DCC: variants seen among roughly 807,000 people sequenced by gnomAD.
DCC encodes DCC netrin 1 receptor, also known as netrin receptor DCC.
A neutral mutation model predicts 172.5 loss-of-function variants in DCC; 58 were observed. That is an observed-to-expected ratio of 0.34 (90% CI 0.27 to 0.42). The LOEUF is 0.42. Among genes scored for constraint, DCC ranks in the 10% least tolerant of loss-of-function variants. The probability of loss-of-function intolerance (pLI) is 1.00; values close to 1 mark genes in which losing one functional copy is unlikely to be tolerated. For missense variants in DCC, 1,740 were observed against 1,791.0 expected, an observed-to-expected ratio of 0.97 and a Z score of 0.51; for synonymous variants, 709 against 644.5, an observed-to-expected ratio of 1.10 and a Z score of -1.52.
chr18:52,651,614 A>G (rs756045130), intron 1 of DCC, among the ~76,000 whole-genome samples: 4 of 151,276 alleles, frequency 2.6e-5, no homozygotes, highest in African/African-American at 7.3e-5. Flanking sequence ...ATCATATTAT[A>G]TAGTATGTTA....
intron 1 of DCC, among the ~76,000 whole-genome samples, chr18:52,552,825 T>A (rs2032812412): frequency 6.7e-6 from 1 of 150,034 alleles, no homozygotes; most frequent in African/African-American, 2.5e-5. Flanking sequence ...AAGAAATAAA[T>A]GGGCTAAAGG....
chr18:52,885,862 T>C (rs754099948), intron 2 of DCC, among the ~76,000 whole-genome samples: 18 of 152,038 alleles, frequency 1.2e-4, no homozygotes, highest in Non-Finnish European at 2.4e-4. Context: ...GGCTCTTTAG[T>C]CAGCAGGTGA....
At chr18:52,361,458 A>G (rs1022847267) in intron 1 of DCC, among the ~76,000 whole-genome samples, 7 of 152,240 alleles carry the variant, frequency 4.6e-5, no homozygotes, top group Admixed American at 1.3e-4. Context: ...TGTTATTTAG[A>G]CAACAAAAGA....
chr18:53,356,653 T>C (rs1237274971), intron 15 of DCC, among the ~76,000 whole-genome samples: 1 of 152,124 alleles, frequency 6.6e-6, no homozygotes, highest in Non-Finnish European at 1.5e-5. Context: ...TACTATTGAA[T>C]GGTTTTGTCC....
rs149423740 is a variant in DCC at position 53,339,560 on chromosome 18, T to C, written c.2165-153T>C. 4.5e-4 allele frequency among the ~76,000 whole-genome samples: 68 copies of C among 152,252 alleles called. No homozygotes were observed. In the East Asian group the frequency reaches 0.012, roughly 26 times the overall value. On this transcript the variant is annotated intron_variant, in intron 14 of 28. Coordinates refer to ENST00000442544, the MANE Select transcript of DCC (RefSeq NM_005215.4). The stretch of plus-strand genomic sequence containing the variant: ...TGAAAGTCAAATCAAACATAGAAAA[T>C]ATATCATATGCTAAAATAAAGAGTG...
chr18:53,511,922 T>C (rs1324873075), intron 27 of DCC, among the ~76,000 whole-genome samples: 3 of 152,070 alleles, frequency 2.0e-5, no homozygotes, highest in Non-Finnish European at 4.4e-5. Context: ...CTTGCTTAGG[T>C]AAACAAAGCA....
At chr18:53,387,125 G>T (rs1908223359) in intron 16 of DCC, among the ~76,000 whole-genome samples, 1 of 152,160 alleles carries the variant, frequency 6.6e-6, no homozygotes, top group African/African-American at 2.4e-5. Context: ...TTTGAAATTT[G>T]GATGAGTTGG....
chr18:52,753,015 C>A (rs1034596116), intron 2 of DCC, among the ~76,000 whole-genome samples: 3 of 149,136 alleles, frequency 2.0e-5, no homozygotes, highest in Non-Finnish European at 4.4e-5. Context: ...ATATATATAT[C>A]TCATATTTTC....
At chr18:53,265,693 G>T (rs1225541451) in intron 12 of DCC, among the ~76,000 whole-genome samples, 2 of 152,184 alleles carry the variant, frequency 1.3e-5, no homozygotes, top group Admixed American at 1.3e-4. Flanking sequence ...GCCAATGCAG[G>T]ATAGGATATG....
intron 16 of DCC, among the ~76,000 whole-genome samples, chr18:53,391,120 T>C (rs1212576686): frequency 6.6e-6 from 1 of 152,166 alleles, no homozygotes; most frequent in Non-Finnish European, 1.5e-5. Context: ...ATTTATTTGT[T>C]TCTTGCCCAG....
chr18:52,448,162 T>G (rs1988184296), intron 1 of DCC, among the ~76,000 whole-genome samples: 1 of 152,146 alleles, frequency 6.6e-6, no homozygotes, highest in African/African-American at 2.4e-5. Context: ...AGGCATTAGA[T>G]TCTCATAGGA....
intron 1 of DCC, among the ~76,000 whole-genome samples, chr18:52,502,235 C>T (rs953410556): frequency 6.6e-6 from 1 of 152,016 alleles, no homozygotes; most frequent in African/African-American, 2.4e-5. Context: ...AAATTATAAA[C>T]TAGAAGAGGA....
At chr18:53,068,699 G>C (rs557908797) in intron 7 of DCC, among the ~76,000 whole-genome samples, 5 of 151,660 alleles carry the variant, frequency 3.3e-5, no homozygotes, top group Admixed American at 2.6e-4. Context: ...GAATTCATAG[G>C]ATGAGAGGTT....
chr18:52,407,979 T>C (rs1986710499), intron 1 of DCC, among the ~76,000 whole-genome samples: 1 of 152,100 alleles, frequency 6.6e-6, no homozygotes, highest in Non-Finnish European at 1.5e-5. Flanking sequence ...TTAGTTTAAT[T>C]GGTTAATGTG....
chr18:52,420,402 G>A (rs1427430878), intron 1 of DCC, among the ~76,000 whole-genome samples: 1 of 152,132 alleles, frequency 6.6e-6, no homozygotes, highest in Non-Finnish European at 1.5e-5. Flanking sequence ...TGAGGATCTA[G>A]GGGAGCATTT....
chr18:53,226,948 A>ATATATATATATATATTTT, intron 12 of DCC, among the ~76,000 whole-genome samples: 39 of 52,948 alleles, frequency 7.4e-4, no homozygotes, highest in African/African-American at 3.6e-3. Context: ...ATATATATAT[A>ATATATATATATATATTTT]TTTTTTTTTT....
intron 15 of DCC, among the ~76,000 whole-genome samples, chr18:53,381,348 G>C (rs566789370): frequency 1.3e-5 from 2 of 151,854 alleles, no homozygotes; most frequent in Non-Finnish European, 2.9e-5. Context: ...CTGGGTGGTG[G>C]GAACAGAAAA....
chr18:53,233,122 C>A (rs2056148007), intron 12 of DCC, among the ~76,000 whole-genome samples: 1 of 152,068 alleles, frequency 6.6e-6, no homozygotes, highest in Admixed American at 6.6e-5. Flanking sequence ...TAAGGTCAAG[C>A]TAATCAGTGC....
intron 5 of DCC, among the ~76,000 whole-genome samples, chr18:52,929,240 C>A (rs914285642): frequency 5.3e-5 from 8 of 152,048 alleles, no homozygotes; most frequent in Admixed American, 2.6e-4. Flanking sequence ...AGTGGCTATC[C>A]CAAGGGGGGA....
Sources: allele counts gnomAD v4.1 joint callset (sites outside exome capture counted in the v4.1 genomes callset), GRCh38; gene constraint gnomAD v4.1.1; transcripts MANE v1.5; gene names NCBI Gene and HGNC (gene_info 2026-07-23, HGNC 2026-07-21).